Variants in GRM7 observed in about 807,000 individuals in gnomAD.
GRM7 encodes glutamate metabotropic receptor 7.
Under a neutral mutation model 84.5 loss-of-function variants are expected in GRM7, and 35 were observed. That is an observed-to-expected ratio of 0.41 (90% CI 0.32 to 0.55). The LOEUF is 0.55. GRM7 is among the 20% of genes least tolerant of loss of function. The pLI is 0.19. For synonymous variants in GRM7, 487 were observed against 455.1 expected (o/e 1.07, Z -0.89); for missense variants, 1,003 against 1,194.6 (o/e 0.84, Z 2.36).
At chr3:6,899,472 T>C (rs538048395) in intron 1 of GRM7, among the ~76,000 whole-genome samples, 31 of 152,236 alleles carry the variant, frequency 2.0e-4, no homozygotes, top group African/African-American at 7.5e-4. Flanking sequence ...AGTATTAGTG[T>C]GATGTCTTTT....
At chr3:6,943,737 A>G (rs776716321) in intron 1 of GRM7, among the ~76,000 whole-genome samples, 18 of 152,032 alleles carry the variant, frequency 1.2e-4, no homozygotes, top group Non-Finnish European at 2.5e-4. Flanking sequence ...CTGTTGGGTT[A>G]TGTTTGGGGT....
intron 5 of GRM7, among the ~76,000 whole-genome samples, chr3:7,426,578 G>A (rs1020606649): frequency 1.3e-5 from 2 of 151,948 alleles, no homozygotes; most frequent in East Asian, 3.9e-4. Context: ...CTCCCATCAC[G>A]ATCTAGGGCA....
At chr3:7,059,142 G>A (rs1697336204) in intron 1 of GRM7, among the ~76,000 whole-genome samples, 1 of 151,718 alleles carries the variant, frequency 6.6e-6, no homozygotes, top group Admixed American at 6.6e-5. Context: ...AGTCTTTGAA[G>A]AGGATCCCCT....
intron 1 of GRM7, among the ~76,000 whole-genome samples, chr3:7,098,418 G>A (rs1479957473): frequency 6.6e-6 from 1 of 151,768 alleles, no homozygotes; most frequent in Non-Finnish European, 1.5e-5. Flanking sequence ...TGACTCATAG[G>A]GTCACTTTGG....
intron 1 of GRM7, among the ~76,000 whole-genome samples, chr3:7,063,035 T>C (rs1446750148): frequency 6.6e-6 from 1 of 151,722 alleles, no homozygotes; most frequent in Non-Finnish European, 1.5e-5. Context: ...AGAAAACCAC[T>C]GAGCAGCATT....
chr3:6,947,098 G>T (rs565144133), intron 1 of GRM7, among the ~76,000 whole-genome samples: 3,315 of 152,222 alleles, frequency 0.022, 54 homozygotes, highest in Non-Finnish European at 0.032. Context: ...TGTTGAATAC[G>T]AGTGGTGAGA....
intron 7 of GRM7, among the ~76,000 whole-genome samples, chr3:7,504,866 C>A (rs1479489816): frequency 6.6e-6 from 1 of 152,146 alleles, no homozygotes; most frequent in African/African-American, 2.4e-5. Context: ...TTAATTCCAT[C>A]CTAATAGCCC....
At chr3:7,424,838 CAAGT>C (rs925674827) in intron 5 of GRM7, among the ~76,000 whole-genome samples, 159 of 152,228 alleles carry the variant, frequency 1.0e-3, no homozygotes, top group African/African-American at 3.6e-3. Context: ...GTGAAAGAAA[CAAGT>C]AAGACGCTGA....
intron 2 of GRM7, among the ~76,000 whole-genome samples, chr3:7,213,832 C>G (rs987650900): frequency 6.6e-6 from 1 of 152,094 alleles, no homozygotes; most frequent in African/African-American, 2.4e-5. Flanking sequence ...TGCCAGTACT[C>G]CCAGCAGCTG....
intron 1 of GRM7, among the ~76,000 whole-genome samples, chr3:7,008,115 G>A (rs951244355): frequency 1.5e-4 from 22 of 151,562 alleles, no homozygotes; most frequent in African/African-American, 5.1e-4. Context: ...ATGAGAATGC[G>A]TTTTTTTTTT....
chr3:6,954,896 T>G (rs1418006818), intron 1 of GRM7, among the ~76,000 whole-genome samples: 2 of 152,196 alleles, frequency 1.3e-5, no homozygotes, highest in African/African-American at 4.8e-5. Context: ...TGGAGGGAGA[T>G]GACTCAAATT....
At chr3:6,998,033 C>A (rs1364566297) in intron 1 of GRM7, among the ~76,000 whole-genome samples, 1 of 143,448 alleles carries the variant, frequency 7.0e-6, no homozygotes, top group African/African-American at 2.6e-5. Flanking sequence ...GCAGGAGAAT[C>A]ACTTGAACCC....
At chr3:7,246,290 G>A (rs1697756687) in intron 2 of GRM7, among the ~76,000 whole-genome samples, 1 of 152,076 alleles carries the variant, frequency 6.6e-6, no homozygotes, top group African/African-American at 2.4e-5. Context: ...GCATCTACCT[G>A]GGAAGTACTA....
At position 7,720,831 on chromosome 3, in the gene GRM7, A is replaced by G. The variant is rs565170185; in HGVS notation, c.2699-19526A>G. On this transcript the variant is annotated intron_variant, in intron 9 of 9. Transcript: ENST00000357716. ...GAATGAGAATTACCTCTGGCTCCTG[A>G]TGTCAGCCCCTCCTCTCATAGCCCT... Among the ~76,000 whole-genome samples, 126 of 152,346 alleles carry G rather than the reference A, an allele frequency of 8.3e-4. No individual in the cohort carries two copies. In the South Asian group the frequency reaches 0.025, roughly 30 times the overall value.
At chr3:6,999,013 G>C (rs933195454) in intron 1 of GRM7, among the ~76,000 whole-genome samples, 1 of 152,190 alleles carries the variant, frequency 6.6e-6, no homozygotes, top group African/African-American at 2.4e-5. Context: ...TCTGGAGCAG[G>C]CTTGAAATTC....
chr3:7,220,480 T>C (rs1455189438), intron 2 of GRM7, among the ~76,000 whole-genome samples: 1 of 152,068 alleles, frequency 6.6e-6, no homozygotes, highest in Non-Finnish European at 1.5e-5. Flanking sequence ...TCCTCAAAGC[T>C]ACCAAAGGCA....
rs990196752 is a variant in GRM7, at chr3:7,436,198, G to A, written c.1175-16409G>A. Among the ~76,000 whole-genome samples the A allele has an allele frequency of 4.6e-5, 7 of 151,958 alleles. 1 individual carries two copies. The highest frequency in any genetic ancestry group is 1.4e-4 in the African/African-American group (6 of 41,394). The stretch of plus-strand genomic sequence containing the variant: ...ATAACCTTTGTTTTCTTTCTTGTCT[G>A]TGTTGTTTTCTATTTCATCTATTTC... On this transcript the variant is annotated intron_variant, in intron 5 of 9. Transcript: ENST00000357716.
chr3:7,003,756 T>C (rs974243165), intron 1 of GRM7, among the ~76,000 whole-genome samples: 2 of 152,238 alleles, frequency 1.3e-5, no homozygotes, highest in African/African-American at 2.4e-5. Context: ...TCTACTCCTA[T>C]GTATGAAGTT....
intron 1 of GRM7, among the ~76,000 whole-genome samples, chr3:7,079,307 T>G (rs1483753279): frequency 6.6e-6 from 1 of 152,090 alleles, no homozygotes; most frequent in African/African-American, 2.4e-5. Flanking sequence ...TTTTGTCAGC[T>G]CTTAAATGAG....
Sources: gnomAD v4.1 joint callset for allele counts (sites outside exome capture counted in the v4.1 genomes callset) on GRCh38, gnomAD v4.1.1 for gene constraint, MANE v1.5 for transcripts, NCBI Gene and HGNC (gene_info 2026-07-23, HGNC 2026-07-21) for gene names.